The following SORBS2 variants were observed in gnomAD, a reference collection of about 807,000 sequenced individuals.
The protein encoded by SORBS2 is sorbin and SH3 domain containing 2.
Under a neutral mutation model 97.7 loss-of-function variants are expected in SORBS2, and 46 were observed. That is an observed-to-expected ratio of 0.47 (90% confidence interval 0.37 to 0.60). SORBS2 has a LOEUF of 0.60. Among genes scored for constraint, SORBS2 ranks in the 20% least tolerant of loss-of-function variants. The pLI is 0.00. For synonymous variants in SORBS2, 476 were observed against 473.4 expected (o/e 1.01, Z -0.07); for missense variants, 1,316 against 1,282.3 (o/e 1.03, Z -0.40).
intron 6 of SORBS2, among the ~76,000 whole-genome samples, chr4:185,625,326 A>G (rs1339402528): frequency 6.6e-6 from 1 of 152,206 alleles, no homozygotes; most frequent in Non-Finnish European, 1.5e-5. Flanking sequence ...CTCAATTTTG[A>G]ATAGCTATGG....
intron 4 of SORBS2, among the ~76,000 whole-genome samples, chr4:185,663,848 C>CTTTTTTTTTTT (rs56177449): frequency 1.2e-5 from 1 of 80,974 alleles, no homozygotes; most frequent in African/African-American, 4.6e-5. Context: ...TAGATTTATT[C>CTTTTTTTTTTT]TTTTTTTTTT....
At chr4:185,865,008 A>C (rs1456814209) in intron 1 of SORBS2, among the ~76,000 whole-genome samples, 1 of 151,956 alleles carries the variant, frequency 6.6e-6, no homozygotes, top group Non-Finnish European at 1.5e-5. Flanking sequence ...GCAGAAGAGG[A>C]GGAGCCGATG....
chr4:185,752,188 C>T (rs2098804520), intron 2 of SORBS2, among the ~76,000 whole-genome samples: 2 of 152,178 alleles, frequency 1.3e-5, no homozygotes, highest in Admixed American at 6.5e-5. Flanking sequence ...TAACATTATG[C>T]ATTTATTAAA....
intron 4 of SORBS2, among the ~76,000 whole-genome samples, chr4:185,643,643 G>A (rs1211258186): frequency 3.3e-5 from 5 of 152,150 alleles, no homozygotes; most frequent in South Asian, 2.1e-4. Context: ...CCTGGCAGGC[G>A]ACACTGAGTC....
chr4:185,796,424 A>G (rs896115109), intron 1 of SORBS2, among the ~76,000 whole-genome samples: 5 of 152,224 alleles, frequency 3.3e-5, no homozygotes, highest in Non-Finnish European at 7.3e-5. Context: ...AGGGCCCTGC[A>G]GATTTATATG....
rs554641612 is a variant in SORBS2 at position 185,865,961 on chromosome 4, G to A, written c.-338+90235C>T. On this transcript the variant is annotated intron_variant, in intron 1 of 20. Transcript: ENST00000284776. Reference sequence around the variant, plus strand: ...ACAAACTGGTTTCAAATGGCATGATGTAACTAGGCTTTTTGCCATGGGTCT... The same window carrying A: ...ACAAACTGGTTTCAAATGGCATGATATAACTAGGCTTTTTGCCATGGGTCT... Among the ~76,000 whole-genome samples, 7 of 152,302 alleles carry A rather than the reference G, an allele frequency of 4.6e-5. No homozygotes were observed. The South Asian group carries it at 1.2e-3, about 27-fold the overall frequency.
At chr4:185,766,007 A>T (rs2098932248) in intron 2 of SORBS2, among the ~76,000 whole-genome samples, 1 of 152,230 alleles carries the variant, frequency 6.6e-6, no homozygotes, top group African/African-American at 2.4e-5. Context: ...TGTCAGAAAT[A>T]CAATTTTTAA....
At chr4:185,718,620 T>A (rs2098485306) in intron 2 of SORBS2, among the ~76,000 whole-genome samples, 1 of 152,202 alleles carries the variant, frequency 6.6e-6, no homozygotes, top group East Asian at 1.9e-4. Context: ...ATTGAGCATA[T>A]CCTGTGCACA....
At chr4:185,697,468 TC>T (rs199560734) in intron 2 of SORBS2, among the ~76,000 whole-genome samples, 213 of 152,112 alleles carry the variant, frequency 1.4e-3, no homozygotes, top group Non-Finnish European at 2.8e-3. Context: ...GCTAAGATTT[TC>T]CCCCCCACAC....
At chr4:185,783,888 C>T (rs55865550) in intron 1 of SORBS2, among the ~76,000 whole-genome samples, 65,856 of 152,024 alleles carry the variant, frequency 0.43, 15,073 homozygotes, top group Middle Eastern at 0.52. Context: ...AGTCACTATT[C>T]CCATATTCAT....
intron 1 of SORBS2, chr4:185,775,844 A>G (rs2098997377): frequency 6.6e-6 from 1 of 152,240 alleles, no homozygotes; most frequent in Non-Finnish European, 1.5e-5. Flanking sequence ...AAGACTGAAG[A>G]CAAATGATTT....
At chr4:185,616,553 T>C (rs2096630115) in intron 9 of SORBS2, among the ~76,000 whole-genome samples, 1 of 152,212 alleles carries the variant, frequency 6.6e-6, no homozygotes, top group African/African-American at 2.4e-5. Flanking sequence ...TTTTAAAATA[T>C]AATATGAACA....
In SORBS2 at chr4:185,843,631, A is replaced by G. The variant is rs548105491; in HGVS notation, c.-337-68265T>C. Among the ~76,000 whole-genome samples the G allele has an allele frequency of 2.6e-5, 4 of 152,144 alleles. No individual in the cohort carries two copies. In the South Asian group the frequency reaches 6.2e-4, roughly 24 times the overall value. On this transcript the variant is annotated intron_variant, in intron 1 of 20. Coordinates refer to the SORBS2 transcript ENST00000284776. ...AATACTTAGAAATAAATCTAACAAGATACATGTAAGCTTTGTATGCTGAAA... is the reference window on the plus strand; with the variant it reads ...AATACTTAGAAATAAATCTAACAAGGTACATGTAAGCTTTGTATGCTGAAA...
intron 2 of SORBS2, among the ~76,000 whole-genome samples, chr4:185,718,877 A>G (rs935112292): frequency 1.3e-5 from 2 of 152,214 alleles, no homozygotes; most frequent in Non-Finnish European, 2.9e-5. Context: ...ATCTACCTTC[A>G]TAAGAGCAGT....
chr4:185,889,558 T>A (rs945166217), intron 1 of SORBS2, among the ~76,000 whole-genome samples: 12 of 152,174 alleles, frequency 7.9e-5, no homozygotes, highest in African/African-American at 2.9e-4. Flanking sequence ...TATCTCTGCT[T>A]CGATTCAAAA....
chr4:185,913,342 G>A (rs989855526), intron 1 of SORBS2, among the ~76,000 whole-genome samples: 1 of 152,144 alleles, frequency 6.6e-6, no homozygotes, highest in African/African-American at 2.4e-5. Flanking sequence ...TATTACCATT[G>A]AGGCTCATTC....
chr4:185,644,783 A>G (rs2097181750), intron 4 of SORBS2, among the ~76,000 whole-genome samples: 1 of 152,250 alleles, frequency 6.6e-6, no homozygotes, highest in Non-Finnish European at 1.5e-5. Flanking sequence ...TTGCTATTGT[A>G]AAACGAGGAG....
At chr4:185,792,747 C>A (rs1026271267) in intron 1 of SORBS2, among the ~76,000 whole-genome samples, 4 of 151,904 alleles carry the variant, frequency 2.6e-5, no homozygotes, top group African/African-American at 9.7e-5. Flanking sequence ...TTCCATAGAG[C>A]CCATGAGCAA....
intron 4 of SORBS2, among the ~76,000 whole-genome samples, chr4:185,668,071 T>C (rs7657389): frequency 0.98 from 148,696 of 152,258 alleles, 72,702 homozygotes; most frequent in East Asian, 1. Context: ...ATAATACAAA[T>C]CATACAAAAG....
Sources: gnomAD v4.1 joint callset for allele counts (sites outside exome capture counted in the v4.1 genomes callset) on GRCh38, gnomAD v4.1.1 for gene constraint, MANE v1.5 for transcripts, NCBI Gene and HGNC (gene_info 2026-07-23, HGNC 2026-07-21) for gene names.